Variants in KAZN observed in about 807,000 individuals in gnomAD.
KAZN encodes kazrin, periplakin interacting protein.
KAZN carries 40 observed loss-of-function variants against 87.4 expected under a neutral mutation model. That is an observed-to-expected ratio of 0.46 (90% CI 0.36 to 0.60). The LOEUF is 0.60. KAZN is among the 20% of genes least tolerant of loss of function. The pLI, the probability that KAZN is intolerant of heterozygous loss-of-function variation, is 0.00. For missense variants in KAZN, 898 were observed against 1,073.9 expected, an observed-to-expected ratio of 0.84 and a Z score of 2.29; for synonymous variants, 466 against 458.3, an observed-to-expected ratio of 1.02 and a Z score of -0.22.
chr1:14,613,516 A>G (rs1244154319), intron 1 of KAZN, among the ~76,000 whole-genome samples: 2 of 152,230 alleles, frequency 1.3e-5, no homozygotes, highest in Non-Finnish European at 2.9e-5. Flanking sequence ...AGAGAGAAAG[A>G]AAATTTTGGC....
chr1:14,663,114 G>A (rs888822602), intron 1 of KAZN, among the ~76,000 whole-genome samples: 13 of 151,738 alleles, frequency 8.6e-5, no homozygotes, highest in Admixed American at 7.9e-4. Flanking sequence ...GGAACAGCAG[G>A]CGTGCATCAC....
Position 15,057,128 on chromosome 1 carries a change from T to TATTGCCTGTCAAGGGTAC in KAZN, c.916+850_916+867dup, listed in dbSNP as rs1319154122. On this transcript the variant is annotated intron_variant, in intron 5 of 14. Coordinates refer to ENST00000376030, the MANE Select transcript of KAZN (RefSeq NM_201628.3). ...TCAGGGAGATGCCAGCAGGCCCTGC[T>TATTGCCTGTCAAGGGTAC]ATTGCCTGTCAAGGGTACAGATGGG... Among the ~76,000 whole-genome samples the TATTGCCTGTCAAGGGTAC allele has an allele frequency of 3.3e-4, 51 of 152,348 alleles. 1 individual carries two copies. Among genetic ancestry groups the TATTGCCTGTCAAGGGTAC allele is most frequent in the Admixed American group, 1.7e-3 (26 of 15,310 alleles).
chr1:14,699,163 C>T (rs1041746116), intron 1 of KAZN, among the ~76,000 whole-genome samples: 3 of 151,368 alleles, frequency 2.0e-5, no homozygotes, highest in Non-Finnish European at 4.4e-5. Context: ...ATGAGATCCT[C>T]CAAGGACAAT....
At chr1:14,127,298 A>G (rs1391814135) in intron 1 of KAZN, among the ~76,000 whole-genome samples, 1 of 152,222 alleles carries the variant, frequency 6.6e-6, no homozygotes, top group Non-Finnish European at 1.5e-5. Flanking sequence ...GATTTAACAT[A>G]GGACAGGCCA....
chr1:14,310,995 G>A (rs569191108), intron 2 of KAZN, among the ~76,000 whole-genome samples: 1 of 152,342 alleles, frequency 6.6e-6, no homozygotes, highest in South Asian at 2.1e-4. Context: ...CAGAGTTGTT[G>A]TCCTGTCGAT....
At chr1:14,054,694 G>A (rs755294527) in intron 1 of KAZN, among the ~76,000 whole-genome samples, 3 of 152,158 alleles carry the variant, frequency 2.0e-5, no homozygotes, top group East Asian at 3.9e-4. Flanking sequence ...TGAATCATTC[G>A]AGGAAGGAGA....
intron 1 of KAZN, among the ~76,000 whole-genome samples, chr1:14,672,262 T>A (rs554822907): frequency 1.3e-5 from 2 of 152,316 alleles, no homozygotes; most frequent in South Asian, 2.1e-4. Flanking sequence ...ATGGTTCACT[T>A]ATTGTGGTTC....
intron 1 of KAZN, among the ~76,000 whole-genome samples, chr1:14,738,459 C>T (rs962505117): frequency 6.6e-6 from 1 of 151,908 alleles, no homozygotes; most frequent in Admixed American, 6.6e-5. Flanking sequence ...TCTCGTCATG[C>T]CAATAAGGTA....
chr1:14,505,378 C>T (rs1473188396), intron 2 of KAZN, among the ~76,000 whole-genome samples: 1 of 152,180 alleles, frequency 6.6e-6, no homozygotes, highest in Admixed American at 6.5e-5. Context: ...TAGATGTCTA[C>T]TATGCTTCTT....
Position 15,060,172 on chromosome 1 carries a change from C to T in KAZN, c.917C>T (p.Ala306Val), listed in dbSNP as rs755820319. The part of the protein sequence containing the change: ...SHPPHPADRQ[A>V]VRVSPCHSRQ... ...CTCACCAGCTGTCCCTGCTTTCCAG[C>T]GGTCAGGGTGAGCCCCTGCCACTCC... The change falls in exon 6 of 15, where the codon GCG (alanine) becomes GTG (valine). Residue 306 changes from alanine to valine, a missense_variant and splice_region_variant. Physicochemically the swap from Ala to Val is moderately conservative, Grantham distance 64. Transcript: ENST00000376030. The T allele has an allele frequency of 3.5e-5, 57 of 1,613,926 alleles. No homozygotes were observed. The highest frequency in any genetic ancestry group is 6.7e-5 in the African/African-American group (5 of 74,950).
At chr1:14,918,834 G>A (rs1178670138) in intron 1 of KAZN, among the ~76,000 whole-genome samples, 3 of 150,266 alleles carry the variant, frequency 2.0e-5, no homozygotes, top group African/African-American at 7.4e-5. Context: ...CCTCAAGTTG[G>A]CAGCAGCTCC....
intron 1 of KAZN, among the ~76,000 whole-genome samples, chr1:14,015,687 G>A (rs913866970): frequency 1.1e-4 from 16 of 149,228 alleles, no homozygotes; most frequent in African/African-American, 3.9e-4. Flanking sequence ...GAGGCAGGTG[G>A]ATCATCTGAG....
At chr1:13,996,747 A>G (rs1639537005) in intron 1 of KAZN, among the ~76,000 whole-genome samples, 1 of 152,250 alleles carries the variant, frequency 6.6e-6, no homozygotes, top group Non-Finnish European at 1.5e-5. Flanking sequence ...CAGTCTCTGC[A>G]GACCAGCAGA....
rs185268247 is a variant in KAZN, at chr1:15,102,905, T to C, written c.1780-454T>C. On this transcript the variant is annotated intron_variant, in intron 11 of 14. Transcript: ENST00000376030. Reference sequence around the variant, plus strand: ...CAGGGAGTGACAAGGACACAGACCCTGGCCCCAGTCCCCAGTCTGCCAAGG... The same window carrying C: ...CAGGGAGTGACAAGGACACAGACCCCGGCCCCAGTCCCCAGTCTGCCAAGG... Among the ~76,000 whole-genome samples, 698 of 152,290 alleles carry C rather than the reference T, an allele frequency of 4.6e-3. 5 individuals carry two copies. Among genetic ancestry groups the C allele is most frequent in the African/African-American group, 0.016 (645 of 41,566 alleles).
intron 1 of KAZN, among the ~76,000 whole-genome samples, chr1:14,122,813 C>T (rs1265734080): frequency 6.6e-6 from 1 of 152,174 alleles, no homozygotes; most frequent in Non-Finnish European, 1.5e-5. Context: ...TAAGATCTAA[C>T]TTTTTTGTCC....
intron 1 of KAZN, among the ~76,000 whole-genome samples, chr1:14,126,273 G>T (rs958670480): frequency 3.3e-5 from 5 of 152,096 alleles, no homozygotes; most frequent in African/African-American, 1.2e-4. Flanking sequence ...GCCAAAGATA[G>T]AAGTTTCCTC....
rs28897140 is a variant in KAZN, at chr1:14,385,442, G to A, written c.249+204850G>A. 3.2e-4 allele frequency among the ~76,000 whole-genome samples: 48 copies of A among 151,992 alleles called. No homozygotes were observed. The East Asian group carries it at 8.5e-3, about 27-fold the overall frequency. ...TTGGATCTTTCCTGCTTTCTCTTGTGGGCATTTAGTGCTATAAATTTCCCT... is the reference window on the plus strand; with the variant it reads ...TTGGATCTTTCCTGCTTTCTCTTGTAGGCATTTAGTGCTATAAATTTCCCT... On this transcript the variant is annotated intron_variant, in intron 2 of 16. Coordinates refer to the KAZN transcript ENST00000636203.
intron 1 of KAZN, among the ~76,000 whole-genome samples, chr1:14,851,648 C>T (rs369255968): frequency 4.4e-4 from 67 of 152,336 alleles, no homozygotes; most frequent in African/African-American, 1.6e-3. Context: ...TGGCTCTTCC[C>T]ACTTCCACCT....
chr1:14,017,001 T>C (rs1309545297), intron 1 of KAZN, among the ~76,000 whole-genome samples: 1 of 152,230 alleles, frequency 6.6e-6, no homozygotes, highest in Non-Finnish European at 1.5e-5. Context: ...AACTTGTCTC[T>C]TATAGGTTCT....
Sources: gnomAD v4.1 joint callset for allele counts (sites outside exome capture counted in the v4.1 genomes callset) on GRCh38, gnomAD v4.1.1 for gene constraint, MANE v1.5 for transcripts, NCBI Gene and HGNC (gene_info 2026-07-23, HGNC 2026-07-21) for gene names.